DCAF5: variants seen among roughly 807,000 people sequenced by gnomAD.
DCAF5 encodes the protein DDB1- and CUL4-associated factor 5.
A neutral mutation model predicts 80.7 loss-of-function variants in DCAF5; 9 were observed. That is an observed-to-expected ratio of 0.11 (90% confidence interval 0.07 to 0.19). The LOEUF (loss-of-function observed/expected upper bound fraction) is 0.19. DCAF5 is among the 10% of genes least tolerant of loss of function. The pLI, the probability that DCAF5 is intolerant of heterozygous loss-of-function variation, is 1.00. For missense variants in DCAF5, 842 were observed against 1,205.7 expected (o/e 0.70, Z 4.47); for synonymous variants, 433 against 461.9 (o/e 0.94, Z 0.80).
At chr14:69,119,092 T>C (rs1240946826) in intron 3 of DCAF5, 102 bp downstream of exon 3, 2 of 1,203,504 alleles carry the variant, frequency 1.7e-6, no homozygotes, top group East Asian at 5.2e-5. Context: ...TTTCATGTTG[T>C]TTTTTTCAAA....
chr14:69,131,962 T>G (rs1432282419), intron 1 of DCAF5, among the ~76,000 whole-genome samples: 2 of 152,160 alleles, frequency 1.3e-5, no homozygotes, highest in Non-Finnish European at 1.5e-5. Context: ...TTGTAGTGTG[T>G]GTCAATTTCA....
chr14:69,073,324 C>A (rs1275992631), intron 7 of DCAF5, among the ~76,000 whole-genome samples: 1 of 152,064 alleles, frequency 6.6e-6, no homozygotes, highest in Non-Finnish European at 1.5e-5. Context: ...GAGAAGGTGG[C>A]CAAGGAAAGA....
intron 1 of DCAF5, among the ~76,000 whole-genome samples, chr14:69,137,290 A>G (rs1322305482): frequency 6.6e-6 from 1 of 152,188 alleles, no homozygotes; most frequent in Non-Finnish European, 1.5e-5. Flanking sequence ...TTATTAAGTT[A>G]GTGGATGATG....
chr14:69,060,991 T>C (rs1025509902), intron 8 of DCAF5, among the ~76,000 whole-genome samples: 4 of 151,934 alleles, frequency 2.6e-5, no homozygotes, highest in Non-Finnish European at 5.9e-5. Context: ...TTCAAAGTCA[T>C]TTTAATAAAA....
intron 7 of DCAF5, among the ~76,000 whole-genome samples, chr14:69,069,324 C>G (rs2038592578): frequency 6.6e-6 from 1 of 152,200 alleles, no homozygotes; most frequent in Non-Finnish European, 1.5e-5. Context: ...TAAGAGAACC[C>G]TCCTGAACTA....
At chr14:69,095,198 G>A (rs2039660751) in intron 5 of DCAF5, among the ~76,000 whole-genome samples, 1 of 152,102 alleles carries the variant, frequency 6.6e-6, no homozygotes, top group African/African-American at 2.4e-5. Context: ...ATCCTGACTT[G>A]CTTTCTAGAC....
At chr14:69,113,742 A>G (rs542941506) in intron 5 of DCAF5, among the ~76,000 whole-genome samples, 1 of 152,340 alleles carries the variant, frequency 6.6e-6, no homozygotes, top group African/African-American at 2.4e-5. Context: ...TCTAACAGAA[A>G]AGATCTGTAA....
intron 5 of DCAF5, among the ~76,000 whole-genome samples, chr14:69,095,472 C>T (rs1178569711): frequency 6.6e-6 from 1 of 152,158 alleles, no homozygotes; most frequent in Non-Finnish European, 1.5e-5. Context: ...AGCAAGAACA[C>T]CTCAGAACAT....
rs566783710 is a variant in DCAF5, at chr14:69,059,274, G to A, written c.1074+3110C>T. Among the ~76,000 whole-genome samples, 22 of 152,176 alleles carry A rather than the reference G, an allele frequency of 1.4e-4. No homozygotes were observed. The South Asian group carries it at 2.5e-3, about 17-fold the overall frequency. On this transcript the variant is annotated intron_variant, in intron 8 of 8. Transcript: ENST00000341516. ...TAATTTTTAAATTTTTCATAGAGATGGGGTTTCCCTGTGTTGTCCCTGACA... is the reference window on the plus strand; with the variant it reads ...TAATTTTTAAATTTTTCATAGAGATAGGGTTTCCCTGTGTTGTCCCTGACA...
At chr14:69,110,422 C>T (rs192876828) in intron 5 of DCAF5, among the ~76,000 whole-genome samples, 21 of 151,414 alleles carry the variant, frequency 1.4e-4, no homozygotes, top group Admixed American at 4.6e-4. Flanking sequence ...CACAACACCA[C>T]GCCCCACTAA....
chr14:69,144,898 C>G (rs1233058247), intron 1 of DCAF5, among the ~76,000 whole-genome samples: 1 of 152,164 alleles, frequency 6.6e-6, no homozygotes, highest in Non-Finnish European at 1.5e-5. Flanking sequence ...AGTCACTTGT[C>G]TAGATCTCAG....
At chr14:69,103,800 A>G (rs145563995) in intron 5 of DCAF5, among the ~76,000 whole-genome samples, 3 of 152,332 alleles carry the variant, frequency 2.0e-5, no homozygotes, top group African/African-American at 7.2e-5. Context: ...CTGGCAATCA[A>G]TAATCTGTAC....
chr14:69,096,689 T>C (rs1053038786), intron 5 of DCAF5, among the ~76,000 whole-genome samples: 8 of 152,074 alleles, frequency 5.3e-5, no homozygotes, highest in African/African-American at 1.9e-4. Flanking sequence ...CAAAGCAAAT[T>C]AAGAGGCAGT....
rs1218967791 is a variant in DCAF5 at position 69,054,067 on chromosome 14, GGAC to G, written c.2616_2618del (p.Ser873del). 6.2e-7 allele frequency: 1 copy of G among 1,614,014 alleles called. No individual in the cohort carries two copies. On this transcript the variant is annotated inframe_deletion, in exon 9 of 9. Coordinates refer to ENST00000341516, the MANE Select transcript of DCAF5 (RefSeq NM_003861.3). ...CTTTGTGTAGGAGTGTCCCTGTCAG[GGAC>G]GAGTTATCACGGTCAGTGTCTGAGT... is the stretch of plus-strand genomic sequence containing the variant.
At chr14:69,116,699 T>C (rs534134561) in intron 4 of DCAF5, among the ~76,000 whole-genome samples, 1 of 152,246 alleles carries the variant, frequency 6.6e-6, no homozygotes, top group African/African-American at 2.4e-5. Flanking sequence ...TAAACACATT[T>C]AACCACATTT....
At chr14:69,140,355 C>T (rs1469953634) in intron 1 of DCAF5, among the ~76,000 whole-genome samples, 9 of 152,130 alleles carry the variant, frequency 5.9e-5, no homozygotes, top group Non-Finnish European at 1.2e-4. Context: ...AATTCTTCTC[C>T]GGGCCACTTG....
At chr14:69,094,982 C>T (rs1385401853) in intron 5 of DCAF5, among the ~76,000 whole-genome samples, 1 of 152,096 alleles carries the variant, frequency 6.6e-6, no homozygotes, top group Admixed American at 6.5e-5. Context: ...GAAAACAAGG[C>T]AGAGAAAAAA....
At chr14:69,117,663 G>A (rs1013665185) in intron 4 of DCAF5, among the ~76,000 whole-genome samples, 26 of 152,094 alleles carry the variant, frequency 1.7e-4, no homozygotes, top group African/African-American at 6.3e-4. Flanking sequence ...GAGAGTCAAA[G>A]GGCACATTCA....
intron 1 of DCAF5, among the ~76,000 whole-genome samples, chr14:69,129,169 T>TA (rs936533763): frequency 6.6e-6 from 1 of 152,196 alleles, no homozygotes; most frequent in African/African-American, 2.4e-5. Flanking sequence ...GATGTGTCCT[T>TA]AGTAACTAAC....
Sources: gnomAD v4.1 joint callset for allele counts (sites outside exome capture counted in the v4.1 genomes callset) on GRCh38, gnomAD v4.1.1 for gene constraint, MANE v1.5 for transcripts, NCBI Gene and HGNC (gene_info 2026-07-23, HGNC 2026-07-21) for gene names.